ANXA4: variants seen among roughly 807,000 people sequenced by gnomAD.
The protein encoded by ANXA4 is 35-beta calcimedin.
In ANXA4, 39 loss-of-function variants were observed where a neutral mutation model predicts 49.8. The ratio of observed to expected loss-of-function variants is 0.78; its 90% CI spans 0.61 to 1.02. The LOEUF (loss-of-function observed/expected upper bound fraction) is 1.02, where lower values mean the gene tolerates loss of function less well. ANXA4 is among the 50% of genes least tolerant of loss of function. The pLI is 0.00. For missense variants in ANXA4, 360 were observed against 410.1 expected (o/e 0.88, Z 1.05); for synonymous variants, 134 against 152.5 (o/e 0.88, Z 0.89).
At chr2:69,710,362 T>C (rs920695946) in intron 2 of ANXA4, among the ~76,000 whole-genome samples, 3 of 152,228 alleles carry the variant, frequency 2.0e-5, no homozygotes, top group Admixed American at 2.0e-4. Context: ...TAAAAGTAGA[T>C]TTCCATGTCT....
chr2:69,754,887 G>A (rs1265419769), intron 1 of ANXA4, among the ~76,000 whole-genome samples: 1 of 152,144 alleles, frequency 6.6e-6, no homozygotes, highest in East Asian at 1.9e-4. Context: ...GGTGACTCTA[G>A]GCTGGGCTTG....
intron 1 of ANXA4, among the ~76,000 whole-genome samples, chr2:69,772,649 C>G (rs889253208): frequency 6.6e-6 from 1 of 152,180 alleles, no homozygotes; most frequent in African/African-American, 2.4e-5. Flanking sequence ...TGTAGACTGA[C>G]TTTACACATA....
At position 69,742,343 on chromosome 2, in the gene ANXA4, C is replaced by T. The variant is rs529485368; in HGVS notation, c.-47+168C>T. 2.6e-5 allele frequency among the ~76,000 whole-genome samples: 4 copies of T among 152,184 alleles called. No homozygotes were observed. The South Asian group carries it at 8.3e-4, about 32-fold the overall frequency. ...GCGGCCACAGGGTGGAGGGGGCCAG[C>T]GGGCCCTGGACTCGCTCCGGGTGGG... On this transcript the variant is annotated intron_variant, in intron 1 of 12. Coordinates refer to ENST00000394295, the MANE Select transcript of ANXA4 (RefSeq NM_001153.5).
intron 8 of ANXA4, chr2:69,815,335 A>C (rs1279162712): frequency 6.6e-6 from 1 of 152,266 alleles, no homozygotes; most frequent in Non-Finnish European, 1.5e-5. Flanking sequence ...TTGACTCTAA[A>C]GCAGTGAGGG....
chr2:69,778,730 G>A lies in ANXA4; in HGVS notation c.-46-2790G>A, dbSNP rs547965717. On this transcript the variant is annotated intron_variant, in intron 1 of 12. Transcript: ENST00000394295. ...GCGGAGGTTGCAGTGAGCCAAGATC[G>A]TGCCATTGCACTCCAGCCTGGGCAA... Among the ~76,000 whole-genome samples the A allele has an allele frequency of 2.3e-4, 32 of 139,840 alleles. No individual in the cohort carries two copies. The East Asian group carries it at 5.7e-3, about 25-fold the overall frequency. The allele number at this position is 139,840 out of a possible 152,430, so 91.7% of individuals were successfully genotyped here. A position where few individuals can be genotyped will look rare whatever the true frequency, so the allele number is the denominator to read the frequency against.
intron 2 of ANXA4, among the ~76,000 whole-genome samples, chr2:69,716,499 C>T (rs546551362): frequency 7.2e-5 from 11 of 152,108 alleles, no homozygotes; most frequent in African/African-American, 2.4e-4. Context: ...GTTGGAGAGA[C>T]GGGCGAGAGC....
intron 1 of ANXA4, among the ~76,000 whole-genome samples, chr2:69,646,822 G>C (rs2105291492): frequency 6.6e-6 from 1 of 152,238 alleles, no homozygotes; most frequent in East Asian, 1.9e-4. Flanking sequence ...ACTAGATGCT[G>C]ACTAACTGTA....
chr2:69,824,553 C>T (rs1232794238), intron 12 of ANXA4, among the ~76,000 whole-genome samples: 1 of 150,228 alleles, frequency 6.7e-6, no homozygotes, highest in Non-Finnish European at 1.5e-5. Flanking sequence ...TCCAGTAATT[C>T]CCATTTTATG....
intron 1 of ANXA4, among the ~76,000 whole-genome samples, chr2:69,757,825 G>A (rs1342713723): frequency 4.6e-5 from 7 of 151,810 alleles, no homozygotes; most frequent in Non-Finnish European, 5.9e-5. Flanking sequence ...TGGGCATAGT[G>A]GTGTGTGCCT....
chr2:69,719,260 CTTTTTTTTT>C (rs1192269262), intron 2 of ANXA4, among the ~76,000 whole-genome samples: 3 of 66,570 alleles, frequency 4.5e-5, no homozygotes, highest in South Asian at 4.7e-4. Context: ...ATTTTCCAGT[CTTTTTTTTT>C]TTTTTTTTTT....
intron 2 of ANXA4, among the ~76,000 whole-genome samples, chr2:69,699,250 C>T (rs113243070): frequency 0.029 from 4,486 of 152,260 alleles, 227 homozygotes; most frequent in African/African-American, 0.1. Context: ...GCCCCACCTT[C>T]CAGGGCTCTT....
At chr2:69,669,355 A>G (rs1401914202) in intron 2 of ANXA4, among the ~76,000 whole-genome samples, 2 of 151,126 alleles carry the variant, frequency 1.3e-5, no homozygotes, top group Admixed American at 1.3e-4. Flanking sequence ...CACGCCTGCA[A>G]TCCCAACACT....
At position 69,699,901 on chromosome 2, in the gene ANXA4, G is replaced by A. The variant is rs563269226; in HGVS notation, n.767-20873G>A. Among the ~76,000 whole-genome samples the A allele has an allele frequency of 1.5e-3, 233 of 152,254 alleles. 5 individuals are homozygous for A. Among genetic ancestry groups the A allele is most frequent in the Admixed American group, 0.015 (229 of 15,296 alleles). On this transcript the variant is annotated intron_variant and non_coding_transcript_variant, in intron 2 of 3. Transcript: ENST00000418066. ...GTACTATAAAAAGTCTGAAGATGGC[G>A]ACCTCCAGGGAATTTAGTCGCCCCA...
At chr2:69,644,741 A>C (rs910356412) in exon 1 of ANXA4, 1 of 152,140 alleles carries the variant, frequency 6.6e-6, no homozygotes, top group Non-Finnish European at 1.5e-5. Flanking sequence ...CCTAAACTTC[A>C]CTAGCTCCCT....
intron 2 of ANXA4, among the ~76,000 whole-genome samples, chr2:69,658,295 G>A (rs1355873761): frequency 6.6e-6 from 1 of 151,348 alleles, no homozygotes; most frequent in Non-Finnish European, 1.5e-5. Context: ...AGCTACTTGG[G>A]AGGCTGAGGC....
chr2:69,818,037 A>G (rs1674076361), intron 9 of ANXA4: 1 of 152,284 alleles, frequency 6.6e-6, no homozygotes, highest in South Asian at 2.1e-4. Flanking sequence ...AAGATAAAAT[A>G]GATACCTGCT....
chr2:69,666,456 C>G (rs1454475858), intron 2 of ANXA4, among the ~76,000 whole-genome samples: 1 of 152,114 alleles, frequency 6.6e-6, no homozygotes, highest in Non-Finnish European at 1.5e-5. Flanking sequence ...AACAGTATCA[C>G]CATATGACAC....
At chr2:69,796,889 A>G (rs1233355842) in intron 3 of ANXA4, among the ~76,000 whole-genome samples, 2 of 152,152 alleles carry the variant, frequency 1.3e-5, no homozygotes, top group Non-Finnish European at 2.9e-5. Context: ...AGCTGAGTCA[A>G]TTGTGCAGTG....
At chr2:69,780,351 C>T (rs1322436276) in intron 1 of ANXA4, among the ~76,000 whole-genome samples, 1 of 152,074 alleles carries the variant, frequency 6.6e-6, no homozygotes, top group East Asian at 1.9e-4. Flanking sequence ...TGTGCCACTA[C>T]CCCCCAGCTA....
Sources: allele counts gnomAD v4.1 joint callset (sites outside exome capture counted in the v4.1 genomes callset), GRCh38; gene constraint gnomAD v4.1.1; transcripts MANE v1.5; gene names NCBI Gene and HGNC (gene_info 2026-07-23, HGNC 2026-07-21).